PCDHGA4: variants seen among roughly 807,000 people sequenced by gnomAD.
The protein encoded by PCDHGA4 is protocadherin gamma subfamily A, 4, also known as protocadherin gamma-A4.
PCDHGA4 carries 38 observed loss-of-function variants against 54.6 expected under a neutral mutation model. That is an observed-to-expected ratio of 0.70 (90% CI 0.54 to 0.91). PCDHGA4 has a LOEUF of 0.91. PCDHGA4 is among the 40% of genes least tolerant of loss of function. The pLI, the probability that PCDHGA4 is intolerant of heterozygous loss-of-function variation, is 0.00. For synonymous variants in PCDHGA4, 511 were observed against 512.9 expected, an observed-to-expected ratio of 1.00 and a Z score of 0.05; for missense variants, 1,298 against 1,220.9, an observed-to-expected ratio of 1.06 and a Z score of -0.94.
In PCDHGA4 at chr5:141,408,496, G is replaced by C. The variant is rs758752081; in HGVS notation, c.2514+50875G>C. On this transcript the variant is annotated intron_variant, in intron 1 of 3. Coordinates refer to ENST00000571252, the MANE Select transcript of PCDHGA4 (RefSeq NM_018917.4). The stretch of plus-strand genomic sequence containing the variant: ...TAGACCGTGAGCAAATATGCAAAGA[G>C]AGAAGAAGATGTGAGTTGCAATTGG... 21 of 1,613,960 alleles carry C rather than the reference G, an allele frequency of 1.3e-5. No individual in the cohort carries two copies. In the East Asian group the frequency reaches 1.3e-4, roughly 10 times the overall value.
At position 141,459,716 on chromosome 5, in the gene PCDHGA4, C is replaced by T. The variant is rs1592633942; in HGVS notation, c.2515-35091C>T. On this transcript the variant is annotated intron_variant, in intron 1 of 3. Coordinates refer to ENST00000571252, the MANE Select transcript of PCDHGA4 (RefSeq NM_018917.4). ...CGCTTGCTACATTTTCTCACCAATG[C>T]TTCCTATTGTCAATTTTTTAAATTT... is the stretch of plus-strand genomic sequence containing the variant. Among the ~76,000 whole-genome samples the T allele has an allele frequency of 2.0e-5, 3 of 152,334 alleles. No homozygotes were observed. In the South Asian group the frequency reaches 6.2e-4, roughly 32 times the overall value.
intron 1 of PCDHGA4, chr5:141,388,888 T>C: frequency 6.2e-7 from 1 of 1,613,774 alleles, no homozygotes; most frequent in Non-Finnish European, 8.5e-7. Flanking sequence ...GAGGTAGAAG[T>C]CATAGATGAA....
intron 1 of PCDHGA4, chr5:141,417,577 C>A: frequency 2.3e-6 from 1 of 439,676 alleles, no homozygotes; most frequent in Non-Finnish European, 4.0e-6. Flanking sequence ...AAGTTGCAGT[C>A]CCACACAGAG....
intron 1 of PCDHGA4, among the ~76,000 whole-genome samples, chr5:141,438,623 T>C (rs1485045684): frequency 2.3e-4 from 10 of 42,840 alleles, no homozygotes; most frequent in Non-Finnish European, 3.8e-4. Flanking sequence ...TATATATATA[T>C]ATATATATAT....
chr5:141,399,056 A>G (rs945298198), intron 1 of PCDHGA4: 24 of 1,613,834 alleles, frequency 1.5e-5, no homozygotes, highest in African/African-American at 1.2e-4. Flanking sequence ...GAGACCAAGG[A>G]ATATTCAATG....
intron 1 of PCDHGA4, chr5:141,372,773 T>A: frequency 6.2e-7 from 1 of 1,610,720 alleles, no homozygotes; most frequent in East Asian, 2.2e-5. Flanking sequence ...GTAATGACAA[T>A]CCAGAAATGC....
chr5:141,408,469 A>G (rs1454570616), intron 1 of PCDHGA4: 2 of 1,614,078 alleles, frequency 1.2e-6, no homozygotes, highest in South Asian at 2.2e-5. Flanking sequence ...TGAAGAACCG[A>G]ATAGACCGTG....
intron 2 of PCDHGA4, among the ~76,000 whole-genome samples, chr5:141,495,623 C>T (rs990126072): frequency 3.3e-5 from 5 of 152,208 alleles, no homozygotes; most frequent in South Asian, 2.1e-4. Context: ...GCACCTCAGC[C>T]TCAGTCCCTT....
intron 1 of PCDHGA4, chr5:141,419,357 AC>A (rs1185938270): frequency 3.7e-6 from 6 of 1,613,814 alleles, no homozygotes; most frequent in Non-Finnish European, 4.2e-6. Context: ...GGAGTCACGA[AC>A]GCTGTCGTCC....
chr5:141,498,105 G>C (rs150297456), intron 2 of PCDHGA4, among the ~76,000 whole-genome samples: 1 of 152,324 alleles, frequency 6.6e-6, no homozygotes, highest in East Asian at 1.9e-4. Flanking sequence ...TGGTGTGGGC[G>C]TATAATAGGG....
chr5:141,360,605 C>T (rs2149815943), intron 1 of PCDHGA4: 1 of 1,614,000 alleles, frequency 6.2e-7, no homozygotes, highest in Admixed American at 1.7e-5. Flanking sequence ...CTTGACCCAG[C>T]CCTGGATTCA....
chr5:141,410,201 A>G, intron 1 of PCDHGA4: 3 of 1,613,988 alleles, frequency 1.9e-6, no homozygotes, highest in Non-Finnish European at 2.5e-6. Context: ...CTTCGCAGAC[A>G]ACTTGCAAGA....
chr5:141,376,374 G>GT (rs778102910), intron 1 of PCDHGA4: 18 of 1,614,072 alleles, frequency 1.1e-5, no homozygotes, highest in East Asian at 1.1e-4. Context: ...GCAGACTCGC[G>GT]TAAGAGTCAT....
At chr5:141,414,099 A>C in intron 1 of PCDHGA4, 3 of 1,593,504 alleles carry the variant, frequency 1.9e-6, no homozygotes, top group Non-Finnish European at 8.5e-7. Flanking sequence ...TAAAAATATC[A>C]GAAAATCTAG....
intron 1 of PCDHGA4, among the ~76,000 whole-genome samples, chr5:141,444,150 GGA>G (rs1471930589): frequency 1.6e-4 from 18 of 114,012 alleles, no homozygotes; most frequent in Non-Finnish European, 2.3e-4. Context: ...TGTGTGTACT[GGA>G]TTTTTTTTTT....
chr5:141,374,528 T>A (rs759567011), intron 1 of PCDHGA4: 1 of 1,613,048 alleles, frequency 6.2e-7, no homozygotes. Flanking sequence ...CGCAGCTCCA[T>A]CCTCTCGTTT....
At chr5:141,408,280 C>T in intron 1 of PCDHGA4, 1 of 1,612,648 alleles carries the variant, frequency 6.2e-7, no homozygotes, top group Non-Finnish European at 8.5e-7. Flanking sequence ...CTTTGTTCTA[C>T]CCCACCCTGA....
intron 2 of PCDHGA4, among the ~76,000 whole-genome samples, chr5:141,502,654 C>G (rs1424933188): frequency 6.6e-6 from 1 of 152,112 alleles, no homozygotes; most frequent in African/African-American, 2.4e-5. Context: ...TAGGCAGCAA[C>G]CCTTCATGCA....
intron 1 of PCDHGA4, among the ~76,000 whole-genome samples, chr5:141,437,228 A>C (rs1410620126): frequency 6.6e-6 from 1 of 152,228 alleles, no homozygotes; most frequent in Non-Finnish European, 1.5e-5. Context: ...CCAGTCATAA[A>C]ATTATGTCAA....
Sources: gnomAD v4.1 joint callset for allele counts (sites outside exome capture counted in the v4.1 genomes callset) on GRCh38, gnomAD v4.1.1 for gene constraint, MANE v1.5 for transcripts, NCBI Gene and HGNC (gene_info 2026-07-23, HGNC 2026-07-21) for gene names.